The following ADH7 variants were observed in gnomAD, a reference collection of about 807,000 sequenced individuals.
ADH7 encodes alcohol dehydrogenase 7 (class IV), mu or sigma polypeptide.
Under a neutral mutation model 34.4 loss-of-function variants are expected in ADH7, and 41 were observed. The ratio of observed to expected loss-of-function variants is 1.19; its 90% CI spans 0.93 to 1.55. The LOEUF is 1.55. ADH7 is among the 40% of genes most tolerant of loss of function. The probability of loss-of-function intolerance (pLI) is 0.00; values close to 1 mark genes in which losing one functional copy is unlikely to be tolerated. For synonymous variants in ADH7, 180 were observed against 160.9 expected (o/e 1.12, Z -0.90); for missense variants, 540 against 461.2 (o/e 1.17, Z -1.56).
Position 99,412,856 on chromosome 4 carries a change from A to G in ADH7, c.*292T>C. ...CAGCAGCTGGTTAAAACTCTTAAAAATCTCCATTTCAACATAGAAATCCAA... is the reference window on the plus strand; with the variant it reads ...CAGCAGCTGGTTAAAACTCTTAAAAGTCTCCATTTCAACATAGAAATCCAA... On this transcript the variant is annotated 3_prime_UTR_variant, in exon 9 of 9. Transcript: ENST00000437033. 1 of 318,792 alleles carries G rather than the reference A, an allele frequency of 3.1e-6. No individual in the cohort carries two copies. The allele number at this position is 318,792 out of a possible 1,614,324, so 19.7% of individuals were successfully genotyped here. A position where few individuals can be genotyped will look rare whatever the true frequency, so the allele number is the denominator to read the frequency against.
At chr4:99,428,350 C>T in intron 3 of ADH7, 142 bp downstream of exon 3, 6 of 1,256,546 alleles carry the variant, frequency 4.8e-6, no homozygotes, top group Non-Finnish European at 6.6e-6. Flanking sequence ...AAACATTACT[C>T]AGTAAAATCC....
intron 1 of ADH7, among the ~76,000 whole-genome samples, chr4:99,434,266 T>C (rs2110142519): frequency 6.6e-6 from 1 of 152,220 alleles, no homozygotes; most frequent in East Asian, 1.9e-4. Context: ...ATGGGTAGAG[T>C]TGCTAGTTTC....
intron 7 of ADH7, among the ~76,000 whole-genome samples, chr4:99,417,171 A>C (rs1454121054): frequency 6.6e-6 from 1 of 152,054 alleles, no homozygotes; most frequent in Non-Finnish European, 1.5e-5. Context: ...GGAGAGTGTT[A>C]AAATGGAAGT....
In ADH7 at chr4:99,428,166, C is replaced by T. The variant is rs1458997241; in HGVS notation, c.268G>A (p.Val90Ile). Residue 90 changes from valine to isoleucine, a missense_variant, in exon 4 of 9, where the codon GTC becomes ATC. Transcript: ENST00000437033. ...CATTGTGGCAGAAAGAGAGGGATGACTTTGTCACCTACAGGAAAAAAATCA... is the reference window on the plus strand; with the variant it reads ...CATTGTGGCAGAAAGAGAGGGATGATTTTGTCACCTACAGGAAAAAAATCA... ...GVTTVKPGDK[V>I]IPLFLPQCRE... 2.5e-6 allele frequency: 4 copies of T among 1,613,616 alleles called. No individual in the cohort carries two copies. The highest frequency in any genetic ancestry group is 2.2e-5 in the South Asian group (2 of 91,044).
At position 99,435,256 on chromosome 4, in the gene ADH7, A is replaced by G. The variant is rs765966833; in HGVS notation, c.-23T>C. On this transcript the variant is annotated 5_prime_UTR_variant, in exon 1 of 9. Coordinates refer to ENST00000437033, the MANE Select transcript of ADH7 (RefSeq NM_000673.7). Reference sequence around the variant, plus strand: ...CATCCTGTCTTTGTCTTGGATCTGTATTTCTGCAAACATAGACTTTTTCTG... The same window carrying G: ...CATCCTGTCTTTGTCTTGGATCTGTGTTTCTGCAAACATAGACTTTTTCTG... The G allele has an allele frequency of 1.9e-5, 31 of 1,613,198 alleles. No homozygotes were observed. Among genetic ancestry groups the G allele is most frequent in the Non-Finnish European group, 2.6e-5 (31 of 1,179,714 alleles).
At position 99,428,608 on chromosome 4, in the gene ADH7, C is replaced by G. The variant is rs746547216; in HGVS notation, c.143G>C (p.Arg48Pro). Residue 48 changes from arginine (R) to proline (P), a missense_variant, in exon 3 of 9, where the codon CGC becomes CCC. Arg to Pro is a moderately radical substitution (Grantham distance 103). Coordinates refer to ENST00000437033, the MANE Select transcript of ADH7 (RefSeq NM_000673.7). ...TCCTTTTATCACATGGTCATCTGTG[C>G]GACAGATTCCTGTGGCCAAAATCTG... ...RIKILATGICRTDDHVIKGTM... is the reference protein window; with the variant it reads ...RIKILATGICPTDDHVIKGTM... The G allele has an allele frequency of 1.2e-6, 2 of 1,612,736 alleles. No individual in the cohort carries two copies. The highest frequency in any genetic ancestry group is 1.7e-5 in the Admixed American group (1 of 59,720).
intron 3 of ADH7, 74 bp from the exon 4 acceptor site, chr4:99,428,248 G>A (rs1478496885): frequency 2.8e-6 from 4 of 1,405,330 alleles, no homozygotes; most frequent in Middle Eastern, 1.8e-4. Context: ...TGTGAATTGA[G>A]CCCATACTAT....
At position 99,413,056 on chromosome 4, in the gene ADH7, T is replaced by A. The variant is rs1721442322; in HGVS notation, c.*92A>T. On this transcript the variant is annotated 3_prime_UTR_variant, in exon 9 of 9. Coordinates refer to ENST00000437033, the MANE Select transcript of ADH7 (RefSeq NM_000673.7). ...CAAATCTTCTACTTATGCTTGTATT[T>A]GTGAGACAGATACATGATTTCAGAT... 7.6e-7 allele frequency: 1 copy of A among 1,314,388 alleles called. No homozygotes were observed. The highest frequency in any genetic ancestry group is 1.8e-5 in the Admixed American group (1 of 55,184). 81.4% of individuals were successfully genotyped at this position (1,314,388 alleles called of 1,614,324 possible).
chr4:99,425,798 C>A (rs2110138095), intron 5 of ADH7, among the ~76,000 whole-genome samples: 1 of 152,194 alleles, frequency 6.6e-6, no homozygotes, highest in East Asian at 1.9e-4. Flanking sequence ...AAATTGACCA[C>A]ATAGTTGGAA....
intron 5 of ADH7, among the ~76,000 whole-genome samples, chr4:99,421,278 G>T (rs1426301535): frequency 6.6e-6 from 1 of 152,138 alleles, no homozygotes; most frequent in Non-Finnish European, 1.5e-5. Context: ...AACAAAAACA[G>T]CATGGTACTG....
Position 99,413,046 on chromosome 4 carries a change from T to C in ADH7, c.*102A>G. ...ATGTCTTCAACAAATCTTCTACTTA[T>C]GCTTGTATTTGTGAGACAGATACAT... On this transcript the variant is annotated 3_prime_UTR_variant, in exon 9 of 9. Transcript: ENST00000437033. 3 of 1,208,398 alleles carry C rather than the reference T, an allele frequency of 2.5e-6. No homozygotes were observed. Among genetic ancestry groups the C allele is most frequent in the Admixed American group, 3.7e-5 (2 of 53,426 alleles). 74.9% of individuals were successfully genotyped at this position (1,208,398 alleles called of 1,614,324 possible). A position where few individuals can be genotyped will look rare whatever the true frequency, so the allele number is the denominator to read the frequency against.
At position 99,428,099 on chromosome 4, in the gene ADH7, C is replaced by A. The variant is rs753095818; in HGVS notation, c.335G>T (p.Cys112Phe). The A allele has an allele frequency of 1.2e-6, 2 of 1,613,904 alleles. No individual in the cohort carries two copies. The highest frequency in any genetic ancestry group is 1.7e-6 in the Non-Finnish European group (2 of 1,179,870). ...GACTGAAACCTACTCGCTCCTAATGCAAAGGTTGCCATCTGGGTTGCGACA... is the reference window on the plus strand; with the variant it reads ...GACTGAAACCTACTCGCTCCTAATGAAAAGGTTGCCATCTGGGTTGCGACA... ...NACRNPDGNL[C>F]IRSDITGRGV... The change falls in exon 4 of 9, where the codon TGC (cysteine) becomes TTC (phenylalanine). Residue 112 changes from cysteine (C) to phenylalanine (F), a missense_variant. Transcript: ENST00000437033.
intron 8 of ADH7, among the ~76,000 whole-genome samples, chr4:99,415,104 G>T (rs1721485953): frequency 6.6e-6 from 1 of 152,120 alleles, no homozygotes; most frequent in Non-Finnish European, 1.5e-5. Flanking sequence ...GTTTTCACAA[G>T]ATCTGATGGT....
intron 1 of ADH7, among the ~76,000 whole-genome samples, chr4:99,433,431 G>A (rs906763636): frequency 3.3e-5 from 5 of 152,100 alleles, no homozygotes; most frequent in Non-Finnish European, 7.4e-5. Flanking sequence ...GGTAGTTTGG[G>A]GATGTGATAT....
intron 5 of ADH7, among the ~76,000 whole-genome samples, chr4:99,426,590 T>C (rs1284803947): frequency 6.6e-6 from 1 of 151,352 alleles, no homozygotes; most frequent in African/African-American, 2.4e-5. Context: ...CCAAAAAGAG[T>C]CCGGGGCCAG....
At chr4:99,415,806 G>T in intron 7 of ADH7, 190 bp from the exon 8 acceptor site, 1 of 479,262 alleles carries the variant, frequency 2.1e-6, no homozygotes, top group South Asian at 3.5e-5. Context: ...AAAAGAATGA[G>T]TTCATGTCCT....
At chr4:99,428,261 G>T (rs1022834811) in intron 3 of ADH7, 87 bp from the exon 4 acceptor site, 6 of 1,361,556 alleles carry the variant, frequency 4.4e-6, no homozygotes, top group African/African-American at 1.5e-5. Flanking sequence ...CATACTATAG[G>T]TAAAACTTTT....
At position 99,428,499 on chromosome 4, in the gene ADH7, C is replaced by G. The variant is rs747862250; in HGVS notation, c.252G>C (p.Val84=). ...VESIGEGVTT[V]KPGDKVIPLF... ...TTTGACACCTGCATATACCTGGTTT[C>G]ACTGTAGTCACTCCTTCTCCAATGC... Residue 84 remains valine (V), a synonymous_variant, in exon 3 of 9, where the codon GTG becomes GTC. Transcript: ENST00000437033. 1.2e-6 allele frequency: 2 copies of G among 1,611,674 alleles called. No homozygotes were observed. The highest frequency in any genetic ancestry group is 1.7e-6 in the Non-Finnish European group (2 of 1,179,430).
chr4:99,415,389 A>C (rs1162152198), intron 8 of ADH7, 89 bp downstream of exon 8: 1 of 1,335,834 alleles, frequency 7.5e-7, no homozygotes, highest in Admixed American at 1.9e-5. Flanking sequence ...ATTAGAAATA[A>C]AATATGAAGA....
Sources: gnomAD v4.1 joint callset for allele counts (sites outside exome capture counted in the v4.1 genomes callset) on GRCh38, gnomAD v4.1.1 for gene constraint, MANE v1.5 for transcripts, NCBI Gene and HGNC (gene_info 2026-07-23, HGNC 2026-07-21) for gene names.